The following LINC00632 variants were observed in gnomAD, a reference collection of about 807,000 sequenced individuals.
LINC00632 encodes the protein long independently transcribed non-coding RNA 632, also known as ALDOA related specific transcript.
At chrX:140,742,408 C>A (rs1243896875) in intron 3 of LINC00632, among the ~76,000 whole-genome samples, 1 of 111,266 alleles carries the variant, frequency 9.0e-6, no homozygotes, top group Non-Finnish European at 1.9e-5. Flanking sequence ...TTCCTATTGG[C>A]AAAGTGAGGA....
rs761580164 is a variant in LINC00632 at position 140,732,118 on chromosome X, C to T, written n.105-1760C>T. On this transcript the variant is annotated intron_variant and non_coding_transcript_variant, in intron 2 of 4. Coordinates refer to ENST00000648200, the Ensembl canonical transcript of LINC00632. The stretch of plus-strand genomic sequence containing the variant: ...ACTTGGGAGGCTGAGGCAGGAGAAT[C>T]GCTTGAACCCGGGAGGCAGAGGTTG... 1.6e-4 allele frequency among the ~76,000 whole-genome samples: 18 copies of T among 110,927 alleles called. No homozygotes were observed. The East Asian group carries it at 4.0e-3, about 25-fold the overall frequency.
In LINC00632 at chrX:140,730,861, A is replaced by C. The variant is rs138978873; in HGVS notation, n.105-3017A>C. 5.9e-3 allele frequency among the ~76,000 whole-genome samples: 654 copies of C among 111,527 alleles called. 2 individuals are homozygous for C. Among genetic ancestry groups the C allele is most frequent in the Non-Finnish European group, 0.01 (532 of 53,103 alleles). On this transcript the variant is annotated intron_variant and non_coding_transcript_variant, in intron 2 of 4. Coordinates refer to ENST00000648200, the Ensembl canonical transcript of LINC00632. ...CCACAGAATATGAGAGAGGGCCTAC[A>C]TGCTCACACAGAGCTTTGACAAGTG...
At chrX:140,725,702 G>A (rs1930949642) in intron 2 of LINC00632, among the ~76,000 whole-genome samples, 1 of 111,603 alleles carries the variant, frequency 9.0e-6, no homozygotes, top group African/African-American at 3.3e-5. Context: ...CCAGCCTTAC[G>A]CCATGATATA....
intron 2 of LINC00632, among the ~76,000 whole-genome samples, chrX:140,714,973 A>C (rs1930598878): frequency 9.0e-6 from 1 of 111,266 alleles, no homozygotes; most frequent in Admixed American, 9.6e-5. Flanking sequence ...TCCCTGCATC[A>C]CCAAAATACA....
chrX:140,767,292 A>G (rs1054180038), intron 3 of LINC00632, among the ~76,000 whole-genome samples: 31 of 111,636 alleles, frequency 2.8e-4, no homozygotes, highest in African/African-American at 9.8e-4. Flanking sequence ...ATAGGGTTGT[A>G]TTAAATATTA....
intron 3 of LINC00632, among the ~76,000 whole-genome samples, chrX:140,754,819 T>C (rs1001774040): frequency 2.4e-4 from 25 of 104,930 alleles, no homozygotes; most frequent in African/African-American, 8.3e-4. Flanking sequence ...CGATTTCATG[T>C]TGATTTCTGA....
chrX:140,724,880 C>CAG (rs1930901308), intron 2 of LINC00632, among the ~76,000 whole-genome samples: 1 of 29,564 alleles, frequency 3.4e-5, no homozygotes, highest in African/African-American at 1.3e-4. Flanking sequence ...ATTCCATACA[C>CAG]ACACATTCCA....
chrX:140,762,481 C>T (rs1931617584), intron 3 of LINC00632, among the ~76,000 whole-genome samples: 1 of 112,130 alleles, frequency 8.9e-6, no homozygotes, highest in African/African-American at 3.2e-5. Flanking sequence ...AAAATGATAG[C>T]TAAACAAATA....
At chrX:140,710,713 G>C (rs1053142156) in intron 1 of LINC00632, among the ~76,000 whole-genome samples, 43 of 110,762 alleles carry the variant, frequency 3.9e-4, no homozygotes, top group African/African-American at 1.3e-3. Context: ...GTGAGGAAAA[G>C]AAAAATGATA....
At chrX:140,741,789 A>C in intron 3 of LINC00632, among the ~76,000 whole-genome samples, 1 of 112,317 alleles carries the variant, frequency 8.9e-6, no homozygotes, top group Middle Eastern at 4.6e-3. Flanking sequence ...ATGCCTATAG[A>C]TGATTGCCTT....
chrX:140,730,108 C>A (rs2148384786), intron 2 of LINC00632, among the ~76,000 whole-genome samples: 1 of 110,758 alleles, frequency 9.0e-6, no homozygotes, highest in Non-Finnish European at 1.9e-5. Flanking sequence ...ATCTCTTGAC[C>A]TAGTGATCCC....
At chrX:140,752,111 C>T (rs2148393408) in intron 3 of LINC00632, among the ~76,000 whole-genome samples, 1 of 111,883 alleles carries the variant, frequency 8.9e-6, no homozygotes, top group Admixed American at 9.6e-5. Flanking sequence ...GCCTGTGGTG[C>T]TGCTTTTCCT....
chrX:140,754,933 G>T (rs1931469287), intron 3 of LINC00632, among the ~76,000 whole-genome samples: 1 of 110,122 alleles, frequency 9.1e-6, no homozygotes, highest in Admixed American at 9.7e-5. Context: ...GTTACTTGTG[G>T]TTGGGTCCTA....
chrX:140,777,272 C>T (rs1931885581), exon 5 of LINC00632, among the ~76,000 whole-genome samples: 1 of 112,079 alleles, frequency 8.9e-6, no homozygotes, highest in African/African-American at 3.2e-5. Flanking sequence ...CAAACCTGCA[C>T]GTTCTGCACA....
At chrX:140,736,680 C>T (rs1360021281) in intron 3 of LINC00632, among the ~76,000 whole-genome samples, 2 of 108,579 alleles carry the variant, frequency 1.8e-5, no homozygotes, top group African/African-American at 6.7e-5. Flanking sequence ...CGTGATCCGC[C>T]CATCTAGGCC....
rs758847350 is a variant in LINC00632 at position 140,719,627 on chromosome X, A to G, written n.104+7971A>G. Among the ~76,000 whole-genome samples the G allele has an allele frequency of 3.7e-5, 4 of 109,191 alleles. No homozygotes were observed. In the East Asian group the frequency reaches 1.2e-3, roughly 33 times the overall value. 94.8% of individuals were successfully genotyped at this position (109,191 alleles called of 115,157 possible). ...TCTCCTTTTAACACACAGACTGGCC[A>G]CACAAAATAGCTTCTTCCTGCCACG... On this transcript the variant is annotated intron_variant and non_coding_transcript_variant, in intron 2 of 4. Transcript: ENST00000648200.
At chrX:140,711,580 C>A in intron 1 of LINC00632, 1 of 298,812 alleles carries the variant, frequency 3.3e-6, no homozygotes, top group Non-Finnish European at 6.6e-6. Context: ...AATATCTTTC[C>A]ATATAAATAT....
chrX:140,766,840 G>T (rs923254059), intron 3 of LINC00632, among the ~76,000 whole-genome samples: 11 of 112,124 alleles, frequency 9.8e-5, no homozygotes, highest in African/African-American at 3.2e-4. Flanking sequence ...TGGAAGAGTT[G>T]TATCGATACT....
At chrX:140,772,992 C>T (rs1931825039) in exon 4 of LINC00632, among the ~76,000 whole-genome samples, 1 of 111,289 alleles carries the variant, frequency 9.0e-6, no homozygotes, top group Non-Finnish European at 1.9e-5. Flanking sequence ...ATGGTGAAAC[C>T]TTGTCTCTAC....
Sources: gnomAD v4.1 joint callset for allele counts (sites outside exome capture counted in the v4.1 genomes callset) on GRCh38, gnomAD v4.1.1 for gene constraint, MANE v1.5 for transcripts, NCBI Gene and HGNC (gene_info 2026-07-23, HGNC 2026-07-21) for gene names.